The following MAGI1 variants were observed in gnomAD, a reference collection of about 807,000 sequenced individuals.
The protein encoded by MAGI1 is membrane-associated guanylate kinase, WW and PDZ domain-containing protein 1.
MAGI1 carries 58 observed loss-of-function variants against 139.9 expected under a neutral mutation model. That is an observed-to-expected ratio of 0.41 (90% confidence interval 0.34 to 0.52). The LOEUF (loss-of-function observed/expected upper bound fraction) is 0.52. Ranked by LOEUF, MAGI1 falls within the 20% of genes least tolerant of loss-of-function variation. MAGI1 has a pLI of 0.12. For missense variants in MAGI1, 1,874 were observed against 1,901.6 expected, an observed-to-expected ratio of 0.99 and a Z score of 0.27; for synonymous variants, 812 against 737.9, an observed-to-expected ratio of 1.10 and a Z score of -1.63.
rs114722938 is a variant in MAGI1, at chr3:65,879,295, C to A, written c.313+158701G>T. Among the ~76,000 whole-genome samples the A allele has an allele frequency of 9.4e-3, 1,431 of 152,034 alleles. 25 individuals are homozygous for A. The highest frequency in any genetic ancestry group is 0.032 in the African/African-American group (1,347 of 41,476). Reference sequence around the variant, plus strand: ...GGTCCACCATTAAGCCCCCTGTTTTCGGCAATCATTTTGCATTGCTAAGGA... The same window carrying A: ...GGTCCACCATTAAGCCCCCTGTTTTAGGCAATCATTTTGCATTGCTAAGGA... On this transcript the variant is annotated intron_variant, in intron 1 of 22. Coordinates refer to ENST00000402939, the MANE Select transcript of MAGI1 (RefSeq NM_001033057.2).
At chr3:65,727,505 C>T (rs2033747099) in intron 1 of MAGI1, among the ~76,000 whole-genome samples, 1 of 152,180 alleles carries the variant, frequency 6.6e-6, no homozygotes, top group Admixed American at 6.5e-5. Context: ...GTTGGGACTA[C>T]AGGTGTGTGC....
intron 2 of MAGI1, among the ~76,000 whole-genome samples, chr3:65,568,720 A>G (rs1234112036): frequency 6.6e-6 from 1 of 152,212 alleles, no homozygotes; most frequent in Admixed American, 6.5e-5. Context: ...GGCTTGAGCC[A>G]TGTTGACTAT....
At position 65,816,210 on chromosome 3, in the gene MAGI1, T is replaced by A. The variant is rs541456126; in HGVS notation, c.314-194122A>T. ...AATCACCATCTAGAAGGATTTGGAGTAGAACTTAAACGTTCATAGAGGACG... is the reference window on the plus strand; with the variant it reads ...AATCACCATCTAGAAGGATTTGGAGAAGAACTTAAACGTTCATAGAGGACG... On this transcript the variant is annotated intron_variant, in intron 1 of 22. Transcript: ENST00000402939. Among the ~76,000 whole-genome samples, 4 of 151,142 alleles carry A rather than the reference T, an allele frequency of 2.6e-5. No individual in the cohort carries two copies. The South Asian group carries it at 8.4e-4, about 32-fold the overall frequency.
chr3:65,485,919 C>T (rs1222632821), intron 3 of MAGI1, among the ~76,000 whole-genome samples: 3 of 152,072 alleles, frequency 2.0e-5, no homozygotes, highest in Non-Finnish European at 4.4e-5. Context: ...TTCGCCAGCT[C>T]CCCCCATCTT....
chr3:65,947,344 G>A (rs1366870714), intron 1 of MAGI1, among the ~76,000 whole-genome samples: 3 of 151,712 alleles, frequency 2.0e-5, no homozygotes, highest in African/African-American at 4.8e-5. Context: ...GCATATGTAA[G>A]GTATAAATAT....
intron 1 of MAGI1, among the ~76,000 whole-genome samples, chr3:65,927,013 T>C (rs1238369186): frequency 6.6e-6 from 1 of 151,998 alleles, no homozygotes; most frequent in Non-Finnish European, 1.5e-5. Context: ...TAAATAAAAA[T>C]GGGGAGAAAC....
chr3:65,731,442 C>G (rs932385228), intron 1 of MAGI1, among the ~76,000 whole-genome samples: 15 of 150,154 alleles, frequency 1.0e-4, no homozygotes, highest in African/African-American at 3.2e-4. Flanking sequence ...TACTTGAGTC[C>G]AGAAGTTCAA....
chr3:65,722,936 T>C (rs1420612689), intron 1 of MAGI1, among the ~76,000 whole-genome samples: 1 of 151,574 alleles, frequency 6.6e-6, no homozygotes, highest in African/African-American at 2.4e-5. Flanking sequence ...CTACCTTTGA[T>C]TTTTATAGAT....
rs149029305 is a variant in MAGI1 at position 65,430,072 on chromosome 3, A to G, written c.1615T>C (p.Phe539Leu). 1.2e-6 allele frequency: 2 copies of G among 1,613,862 alleles called. No individual in the cohort carries two copies. Among genetic ancestry groups the G allele is most frequent in the Non-Finnish European group, 1.7e-6 (2 of 1,179,892 alleles). ...CTGGCACCAATGGGGATGGACTGGA[A>G]GATCTTCACAACTTGAGCATGTGTG... is the stretch of plus-strand genomic sequence containing the variant. The part of the protein sequence containing the change: ...GHTHAQVVKI[F>L]QSIPIGASVD... Residue 539 changes from phenylalanine (F) to leucine (L), a missense_variant, in exon 12 of 23, where the codon TTC becomes CTC. By Grantham distance (22) the Phe-to-Leu change is conservative. This residue lies in a region of MAGI1 where 86 missense variants were observed against 130.0 expected (regional missense o/e 0.66). Coordinates refer to ENST00000402939, the MANE Select transcript of MAGI1 (RefSeq NM_001033057.2).
chr3:65,487,458 C>A (rs1951702301), intron 3 of MAGI1, among the ~76,000 whole-genome samples: 1 of 152,156 alleles, frequency 6.6e-6, no homozygotes, highest in African/African-American at 2.4e-5. Flanking sequence ...ATAAAAGCAT[C>A]CCAGTCCTGC....
intron 14 of MAGI1, chr3:65,387,345 G>T: frequency 1.5e-6 from 1 of 668,742 alleles, no homozygotes; most frequent in Non-Finnish European, 2.5e-6. Flanking sequence ...AAAGGTCATG[G>T]CTGTTATGTT....
At chr3:65,448,265 C>T in intron 6 of MAGI1, 1 of 596,048 alleles carries the variant, frequency 1.7e-6, no homozygotes, top group Admixed American at 2.9e-5. Flanking sequence ...CTGATATTGG[C>T]AAAATAATTA....
intron 1 of MAGI1, among the ~76,000 whole-genome samples, chr3:65,724,773 T>A (rs894472073): frequency 6.6e-6 from 1 of 152,066 alleles, no homozygotes; most frequent in African/African-American, 2.4e-5. Context: ...CTTCTTCACA[T>A]GGTGGCAGAA....
At chr3:65,438,215 T>C (rs1947983248) in intron 9 of MAGI1, among the ~76,000 whole-genome samples, 2 of 152,270 alleles carry the variant, frequency 1.3e-5, no homozygotes, top group Admixed American at 6.5e-5. Context: ...AATAAAATTA[T>C]GTCTTTTGCG....
chr3:65,804,656 G>T (rs2040733239), intron 1 of MAGI1, among the ~76,000 whole-genome samples: 1 of 152,022 alleles, frequency 6.6e-6, no homozygotes, highest in Non-Finnish European at 1.5e-5. Flanking sequence ...GCCTACACTT[G>T]TGCCAATCAC....
At chr3:65,445,598 T>A (rs1020810871) in intron 7 of MAGI1, among the ~76,000 whole-genome samples, 1 of 152,214 alleles carries the variant, frequency 6.6e-6, no homozygotes, top group Admixed American at 6.5e-5. Flanking sequence ...GAGAACTTAC[T>A]TTCTTGGCTC....
chr3:65,822,960 T>C (rs2042028319), intron 1 of MAGI1, among the ~76,000 whole-genome samples: 1 of 152,184 alleles, frequency 6.6e-6, no homozygotes, highest in African/African-American at 2.4e-5. Flanking sequence ...ATCCAAACCA[T>C]ATCACCAACC....
At chr3:65,975,205 C>T (rs976830552) in intron 1 of MAGI1, among the ~76,000 whole-genome samples, 6 of 152,018 alleles carry the variant, frequency 3.9e-5, no homozygotes, top group East Asian at 1.9e-4. Context: ...GGCAATAGTT[C>T]GTTTTCATTC....
intron 2 of MAGI1, among the ~76,000 whole-genome samples, chr3:65,567,011 C>T (rs2080692730): frequency 6.6e-6 from 1 of 150,956 alleles, no homozygotes; most frequent in South Asian, 2.1e-4. Context: ...TCCCTGCTCC[C>T]TCCACAGGGA....
Sources: gnomAD v4.1 joint callset for allele counts (sites outside exome capture counted in the v4.1 genomes callset) on GRCh38, gnomAD v4.1.1 for gene constraint, gnomAD v4.1.1 regional missense constraint, MANE v1.5 for transcripts, NCBI Gene and HGNC (gene_info 2026-07-23, HGNC 2026-07-21) for gene names.